MAP2: variants seen among roughly 807,000 people sequenced by gnomAD.
The protein encoded by MAP2 is microtubule-associated protein 2.
MAP2 carries 14 observed loss-of-function variants against 137.6 expected under a neutral mutation model. The ratio of observed to expected loss-of-function variants is 0.10; its 90% CI spans 0.07 to 0.16. MAP2 has a LOEUF of 0.16. Ranked by LOEUF, MAP2 falls within the 10% of genes least tolerant of loss-of-function variation. The pLI, the probability that MAP2 is intolerant of heterozygous loss-of-function variation, is 1.00. For missense variants in MAP2, 2,088 were observed against 2,191.5 expected (o/e 0.95, Z 0.94); for synonymous variants, 786 against 782.3 (o/e 1.00, Z -0.08).
chr2:209,493,759 T>A (rs907773781), intron 1 of MAP2, among the ~76,000 whole-genome samples: 1 of 152,096 alleles, frequency 6.6e-6, no homozygotes, highest in African/African-American at 2.4e-5. Flanking sequence ...GTTAGAATGG[T>A]GATCATTAAA....
intron 4 of MAP2, among the ~76,000 whole-genome samples, chr2:209,632,831 C>T (rs2093216541): frequency 6.6e-6 from 1 of 152,154 alleles, no homozygotes; most frequent in Non-Finnish European, 1.5e-5. Context: ...CTTCCTCACT[C>T]TTACTCTCTC....
rs947118063 is a variant in MAP2 at position 209,696,267 on chromosome 2, C to T, written c.4097C>T (p.Thr1366Ile). The change falls in exon 8 of 16, where the codon ACA becomes ATA. Residue 1366 changes from threonine (T) to isoleucine (I), a missense_variant. Around this residue, in one of 6 missense-constraint regions of MAP2, gnomAD observed 591 missense variants for 642.6 expected, o/e 0.92. Coordinates refer to ENST00000682079, the MANE Select transcript of MAP2 (RefSeq NM_001375505.1). ...REEVALSEYK[T>I]ETYDDYKDET... ...GAGGTTGCACTTTCTGAATATAAGA[C>T]AGAAACCTATGACGATTACAAAGAT... 1 of 1,609,878 alleles carries T rather than the reference C, an allele frequency of 6.2e-7. No individual in the cohort carries two copies. The highest frequency in any genetic ancestry group is 8.5e-7 in the Non-Finnish European group (1 of 1,178,768).
At chr2:209,518,564 C>G (rs2062843152) in intron 2 of MAP2, among the ~76,000 whole-genome samples, 1 of 152,044 alleles carries the variant, frequency 6.6e-6, no homozygotes, top group African/African-American at 2.4e-5. Flanking sequence ...TATTCTGCCT[C>G]TTCTTTTCTT....
intron 2 of MAP2, among the ~76,000 whole-genome samples, chr2:209,559,381 C>T (rs1003693790): frequency 1.3e-5 from 2 of 150,810 alleles, no homozygotes; most frequent in Non-Finnish European, 2.9e-5. Flanking sequence ...CACCTGTAAT[C>T]CCAGCACTTT....
intron 3 of MAP2, among the ~76,000 whole-genome samples, chr2:209,593,611 T>C (rs2079906408): frequency 4.3e-5 from 1 of 23,512 alleles, no homozygotes; most frequent in Non-Finnish European, 9.8e-5. Context: ...ACCAAGACCC[T>C]GTCTCTACAA....
intron 2 of MAP2, among the ~76,000 whole-genome samples, chr2:209,529,543 T>C (rs74395434): frequency 0.028 from 4,215 of 152,190 alleles, 189 homozygotes; most frequent in African/African-American, 0.096. Flanking sequence ...TATATGGGTC[T>C]GATTATCACA....
intron 5 of MAP2, among the ~76,000 whole-genome samples, chr2:209,676,713 C>T (rs2051702788): frequency 9.3e-6 from 1 of 107,086 alleles, no homozygotes; most frequent in Admixed American, 1.1e-4. Flanking sequence ...CCAGAAGACA[C>T]AAAGGTCATA....
intron 1 of MAP2, among the ~76,000 whole-genome samples, chr2:209,447,330 A>T (rs967358016): frequency 2.6e-5 from 4 of 151,886 alleles, no homozygotes; most frequent in Non-Finnish European, 5.9e-5. Flanking sequence ...ATATTATCCT[A>T]CCTTGAACTG....
rs1396710884 is a variant in MAP2, at chr2:209,732,759, G to T, written c.*2362G>T. ...AGAAGTCAGTTTATTACAAATACATGTCAAAAATAAAGATTATACAAGGCA... is the reference window on the plus strand; with the variant it reads ...AGAAGTCAGTTTATTACAAATACATTTCAAAAATAAAGATTATACAAGGCA... On this transcript the variant is annotated 3_prime_UTR_variant, in exon 16 of 16. Coordinates refer to ENST00000682079, the MANE Select transcript of MAP2 (RefSeq NM_001375505.1). 3.3e-5 allele frequency: 5 copies of T among 152,484 alleles called. No individual in the cohort carries two copies. Among genetic ancestry groups the T allele is most frequent in the Non-Finnish European group, 5.9e-5 (4 of 68,000 alleles). The allele number at this position is 152,484 out of a possible 1,614,324, so 9.4% of individuals were successfully genotyped here.
At chr2:209,604,455 T>C (rs1465438289) in intron 3 of MAP2, among the ~76,000 whole-genome samples, 7 of 152,102 alleles carry the variant, frequency 4.6e-5, no homozygotes, top group Non-Finnish European at 7.4e-5. Context: ...CTCACCAATA[T>C]TCATTTTGGT....
At position 209,586,495 on chromosome 2, in the gene MAP2, A is replaced by C. The variant is rs933830180; in HGVS notation, c.-107+6395A>C. ...ATATTCATTCAATGAATATTAATTG[A>C]ATACCTAATTCCATTCCCGTTTCCT... On this transcript the variant is annotated intron_variant, in intron 3 of 15. Coordinates refer to ENST00000682079, the MANE Select transcript of MAP2 (RefSeq NM_001375505.1). Among the ~76,000 whole-genome samples, 58 of 152,176 alleles carry C rather than the reference A, an allele frequency of 3.8e-4. 2 individuals are homozygous for C. Among genetic ancestry groups the C allele is most frequent in the Non-Finnish European group, 2.9e-5 (2 of 68,040 alleles).
chr2:209,503,011 T>C (rs932746382), intron 1 of MAP2, among the ~76,000 whole-genome samples: 5 of 149,658 alleles, frequency 3.3e-5, no homozygotes, highest in Non-Finnish European at 7.4e-5. Flanking sequence ...TTTTTTTTTT[T>C]TTTTTCTGAG....
intron 5 of MAP2, among the ~76,000 whole-genome samples, chr2:209,664,123 A>G (rs973048552): frequency 2.6e-5 from 4 of 152,176 alleles, no homozygotes; most frequent in Non-Finnish European, 4.4e-5. Flanking sequence ...ATTTGTTTTT[A>G]TTACAGTCAG....
At chr2:209,696,848 T>A in intron 9 of MAP2, 69 bp from the exon 10 acceptor site, 1 of 1,547,850 alleles carries the variant, frequency 6.5e-7, no homozygotes, top group Non-Finnish European at 8.7e-7. Flanking sequence ...TTTATAAAAT[T>A]TCGTTCGGTT....
At chr2:209,526,866 A>G (rs907539477) in intron 2 of MAP2, among the ~76,000 whole-genome samples, 2 of 152,000 alleles carry the variant, frequency 1.3e-5, no homozygotes, top group African/African-American at 4.8e-5. Context: ...TGTCTTTCCT[A>G]AGCTTGATCA....
chr2:209,602,811 T>C (rs188307668), intron 3 of MAP2, among the ~76,000 whole-genome samples: 1 of 152,306 alleles, frequency 6.6e-6, no homozygotes, highest in Admixed American at 6.5e-5. Context: ...GGCACTTCTC[T>C]AAGTCAATAT....
At chr2:209,636,301 A>G (rs923739777) in intron 4 of MAP2, among the ~76,000 whole-genome samples, 1 of 152,136 alleles carries the variant, frequency 6.6e-6, no homozygotes, top group African/African-American at 2.4e-5. Flanking sequence ...AATCCTGAAT[A>G]AAAAGCAAAG....
intron 1 of MAP2, among the ~76,000 whole-genome samples, chr2:209,487,185 C>T (rs1344022528): frequency 6.6e-6 from 1 of 152,132 alleles, no homozygotes; most frequent in East Asian, 1.9e-4. Flanking sequence ...AACAGCAACA[C>T]AGAAGGAGTT....
intron 2 of MAP2, among the ~76,000 whole-genome samples, chr2:209,516,523 A>G: frequency 6.6e-6 from 1 of 152,120 alleles, no homozygotes; most frequent in East Asian, 1.9e-4. Flanking sequence ...TCAGTTAAAC[A>G]ACAGGAATAA....
Sources: allele counts gnomAD v4.1 joint callset (sites outside exome capture counted in the v4.1 genomes callset), GRCh38; gene constraint gnomAD v4.1.1; regional missense constraint gnomAD v4.1.1; transcripts MANE v1.5; gene names NCBI Gene and HGNC (gene_info 2026-07-23, HGNC 2026-07-21).